CAMTA1: variants seen among roughly 807,000 people sequenced by gnomAD.
CAMTA1 encodes the protein calmodulin binding transcription activator 1, also known as calmodulin-binding transcription activator 1.
Under a neutral mutation model 170.9 loss-of-function variants are expected in CAMTA1, and 27 were observed. The ratio of observed to expected loss-of-function variants is 0.16; its 90% CI spans 0.12 to 0.22. CAMTA1 has a LOEUF of 0.22. Ranked by LOEUF, CAMTA1 falls within the 10% of genes least tolerant of loss-of-function variation. CAMTA1 has a pLI of 1.00. For missense variants in CAMTA1, 1,619 were observed against 2,217.2 expected, an observed-to-expected ratio of 0.73 and a Z score of 5.42; for synonymous variants, 833 against 891.5, an observed-to-expected ratio of 0.93 and a Z score of 1.17.
At chr1:7,077,246 G>A (rs1368699863) in intron 3 of CAMTA1, among the ~76,000 whole-genome samples, 2 of 111,818 alleles carry the variant, frequency 1.8e-5, no homozygotes, top group Non-Finnish European at 3.7e-5. Context: ...TTTTTTTTTG[G>A]ATCCTATTTT....
At chr1:7,034,089 A>C (rs796313167) in intron 3 of CAMTA1, among the ~76,000 whole-genome samples, 3 of 152,174 alleles carry the variant, frequency 2.0e-5, no homozygotes, top group African/African-American at 7.2e-5. Context: ...TATATTATGA[A>C]GATTTTACTC....
At chr1:7,312,932 G>A (rs1032607832) in intron 5 of CAMTA1, among the ~76,000 whole-genome samples, 13 of 151,856 alleles carry the variant, frequency 8.6e-5, no homozygotes, top group Admixed American at 2.6e-4. Context: ...TATTTTTAAT[G>A]GCTCCATGAC....
chr1:6,791,512 TC>T, intron 1 of CAMTA1, among the ~76,000 whole-genome samples: 1 of 152,348 alleles, frequency 6.6e-6, no homozygotes, highest in African/African-American at 2.4e-5. Flanking sequence ...TCTTTCTGTC[TC>T]TTTGGCTTGA....
intron 1 of CAMTA1, chr1:6,807,113 A>T (rs1054068720): frequency 1.6e-5 from 9 of 566,434 alleles, no homozygotes; most frequent in Non-Finnish European, 2.6e-5. Context: ...TCATAAAGGG[A>T]TTTGACTAAT....
intron 1 of CAMTA1, among the ~76,000 whole-genome samples, chr1:6,792,689 T>A (rs1187468075): frequency 6.6e-6 from 1 of 152,192 alleles, no homozygotes; most frequent in Non-Finnish European, 1.5e-5. Context: ...TGTTTGGCTC[T>A]ATCCTGACAT....
intron 6 of CAMTA1, among the ~76,000 whole-genome samples, chr1:7,473,673 C>T (rs1015124597): frequency 6.6e-6 from 1 of 152,216 alleles, no homozygotes; most frequent in Non-Finnish European, 1.5e-5. Context: ...AGGGACAGGC[C>T]CTGCAGGTCC....
intron 3 of CAMTA1, among the ~76,000 whole-genome samples, chr1:6,899,552 GCGCACACACACACA>G (rs1249955720): frequency 9.5e-5 from 10 of 104,716 alleles, no homozygotes; most frequent in Admixed American, 2.7e-4. Flanking sequence ...GCACGCGCGC[GCGCACACACACACA>G]CACACACACA....
At chr1:6,818,759 C>A (rs1045693793) in intron 1 of CAMTA1, among the ~76,000 whole-genome samples, 1 of 152,094 alleles carries the variant, frequency 6.6e-6, no homozygotes, top group Non-Finnish European at 1.5e-5. Flanking sequence ...CTACCTCAGT[C>A]CCCCCAGGTA....
intron 3 of CAMTA1, among the ~76,000 whole-genome samples, chr1:6,919,207 C>T (rs1021740197): frequency 6.6e-6 from 1 of 152,194 alleles, no homozygotes; most frequent in Non-Finnish European, 1.5e-5. Context: ...GCATTTTTTG[C>T]TCAGGTTTGA....
chr1:7,112,167 C>T (rs1026800259), intron 4 of CAMTA1, among the ~76,000 whole-genome samples: 2 of 152,142 alleles, frequency 1.3e-5, no homozygotes, highest in Non-Finnish European at 2.9e-5. Context: ...TGTTGCAGGA[C>T]CGCTGCGTAG....
chr1:7,088,978 C>T (rs1354104276), intron 3 of CAMTA1, among the ~76,000 whole-genome samples: 2 of 152,208 alleles, frequency 1.3e-5, no homozygotes, highest in African/African-American at 2.4e-5. Flanking sequence ...TCATTGTCTG[C>T]AGGCGTGGGC....
Position 7,044,064 on chromosome 1 carries a change from A to T in CAMTA1, c.235-47240A>T, listed in dbSNP as rs753166661. On this transcript the variant is annotated intron_variant, in intron 3 of 22. Coordinates refer to ENST00000303635, the MANE Select transcript of CAMTA1 (RefSeq NM_015215.4). This position sits in a 1 kb window ranked among gnomAD's most constrained non-coding sequence, Gnocchi z 5.0. ...GCCATTAGGGCTGCCAGCGGAGGTC[A>T]GGAGCAGTGATCTACGGGAGATGCT... Among the ~76,000 whole-genome samples, 5 of 152,272 alleles carry T rather than the reference A, an allele frequency of 3.3e-5. No individual in the cohort carries two copies. The highest frequency in any genetic ancestry group is 7.3e-5 in the Non-Finnish European group (5 of 68,048).
chr1:7,180,595 C>A (rs1159921012), intron 4 of CAMTA1, among the ~76,000 whole-genome samples: 2 of 147,404 alleles, frequency 1.4e-5, no homozygotes, highest in Admixed American at 6.9e-5. Flanking sequence ...CTCACTGCAG[C>A]CTCCATCTCC....
chr1:7,538,105 G>C (rs1177332988), intron 6 of CAMTA1, among the ~76,000 whole-genome samples: 5 of 152,222 alleles, frequency 3.3e-5, no homozygotes, highest in Non-Finnish European at 7.3e-5. Flanking sequence ...GTGCAGTGTT[G>C]TGCTGGTAGC....
rs529456823 is a variant in CAMTA1 at position 7,279,861 on chromosome 1, T to C, written c.438+30235T>C. On this transcript the variant is annotated intron_variant, in intron 5 of 22. Coordinates refer to ENST00000303635, the MANE Select transcript of CAMTA1 (RefSeq NM_015215.4). ...GCCTCAGGTTACTGCTGGTGGTCCC[T>C]CTAGACCAAAAAAAAAGAACTTGCC... Among the ~76,000 whole-genome samples, 35 of 152,214 alleles carry C rather than the reference T, an allele frequency of 2.3e-4. No individual in the cohort carries two copies. In the East Asian group the frequency reaches 5.8e-3, roughly 25 times the overall value.
chr1:7,705,292 C>A (rs1308850167), intron 11 of CAMTA1, among the ~76,000 whole-genome samples: 2 of 149,942 alleles, frequency 1.3e-5, no homozygotes, highest in African/African-American at 4.9e-5. Context: ...CGTGTCCATG[C>A]CGCGAGGGTG....
chr1:7,088,442 C>A (rs978977063), intron 3 of CAMTA1, among the ~76,000 whole-genome samples: 2 of 152,196 alleles, frequency 1.3e-5, no homozygotes, highest in South Asian at 2.1e-4. Context: ...CTGTACCCAT[C>A]GCTCGACTGT....
chr1:7,011,812 G>A (rs888549313), intron 3 of CAMTA1, among the ~76,000 whole-genome samples: 3 of 152,210 alleles, frequency 2.0e-5, no homozygotes, highest in Non-Finnish European at 4.4e-5. Flanking sequence ...AGGCAGAGCC[G>A]CTCATTAATA....
intron 22 of CAMTA1, among the ~76,000 whole-genome samples, chr1:7,755,983 C>T (rs1215556304): frequency 1.4e-4 from 22 of 152,146 alleles, no homozygotes; most frequent in Admixed American, 1.0e-3. Flanking sequence ...GCCACGTACA[C>T]GGCCAAATAA....
Sources: gnomAD v4.1 joint callset for allele counts (sites outside exome capture counted in the v4.1 genomes callset) on GRCh38, gnomAD v4.1.1 for gene constraint, Gnocchi (gnomAD v3.1) non-coding constraint, MANE v1.5 for transcripts, NCBI Gene and HGNC (gene_info 2026-07-23, HGNC 2026-07-21) for gene names.